ZNF487: variants seen among roughly 807,000 people sequenced by gnomAD.
The protein encoded by ZNF487 is zinc finger protein 487.
In ZNF487, 4 loss-of-function variants were observed where a neutral mutation model predicts 3.0. That is an observed-to-expected ratio of 1.35 (90% confidence interval 0.66 to 3.08). The LOEUF is 3.08. Among genes scored for constraint, ZNF487 ranks in the 30% most tolerant of loss-of-function variants. The pLI, the probability that ZNF487 is intolerant of heterozygous loss-of-function variation, is 0.01. For synonymous variants in ZNF487, 55 were observed against 34.6 expected (o/e 1.59, Z -2.06); for missense variants, 146 against 98.7 (o/e 1.48, Z -2.03).
At chr10:43,478,843 G>A (rs1841198838) in intron 3 of ZNF487, among the ~76,000 whole-genome samples, 2 of 150,770 alleles carry the variant, frequency 1.3e-5, no homozygotes, top group African/African-American at 4.9e-5. Context: ...AAAATAGAAT[G>A]TTACCTCTCA....
At chr10:43,447,761 G>C (rs967421522) in intron 1 of ZNF487, among the ~76,000 whole-genome samples, 2 of 152,196 alleles carry the variant, frequency 1.3e-5, no homozygotes, top group South Asian at 4.2e-4. Flanking sequence ...TTCTTCTCTG[G>C]TGCTGTGTTC....
At chr10:43,469,509 T>G (rs1440028461) in intron 1 of ZNF487, among the ~76,000 whole-genome samples, 1 of 152,028 alleles carries the variant, frequency 6.6e-6, no homozygotes, top group Non-Finnish European at 1.5e-5. Flanking sequence ...TATTTATTTA[T>G]TTTTTTAAAT....
chr10:43,441,390 C>T (rs372012429), intron 1 of ZNF487, among the ~76,000 whole-genome samples: 2 of 151,398 alleles, frequency 1.3e-5, no homozygotes, highest in East Asian at 1.9e-4. Context: ...CTCAGCCTCC[C>T]GACTAGCTGG....
At chr10:43,512,826 A>C in the ZNF487 span, among the ~76,000 whole-genome samples, 1 of 151,738 alleles carries the variant, frequency 6.6e-6, no homozygotes, top group Admixed American at 6.6e-5. Flanking sequence ...CAGATGAGGA[A>C]TGCTTTGCCT....
intron 1 of ZNF487, chr10:43,454,464 G>C (rs566835262): frequency 1.3e-5 from 2 of 152,302 alleles, no homozygotes; most frequent in African/African-American, 4.8e-5. Context: ...TCACTTGTCA[G>C]TCTCCTAAAA....
At chr10:43,484,838 A>T (rs1469725894), downstream of ZNF487, among the ~76,000 whole-genome samples, 2 of 152,336 alleles carry the variant, frequency 1.3e-5, no homozygotes, top group Admixed American at 1.3e-4. Context: ...ATCAATTTTA[A>T]TGAAGACACT....
At chr10:43,472,052 A>G (rs117986354) in intron 1 of ZNF487, among the ~76,000 whole-genome samples, 2,288 of 152,186 alleles carry the variant, frequency 0.015, 32 homozygotes, top group Non-Finnish European at 0.024. Context: ...ACCTGCCCCT[A>G]TTTACCTTGG....
At chr10:43,480,027 C>CTT (rs1410218049) in intron 3 of ZNF487, among the ~76,000 whole-genome samples, 3 of 74,942 alleles carry the variant, frequency 4.0e-5, no homozygotes, top group Admixed American at 1.6e-4. Flanking sequence ...TTCTTTCTTT[C>CTT]TTTCTTTCTT....
chr10:43,457,541 C>T (rs1589032527), intron 1 of ZNF487, among the ~76,000 whole-genome samples: 2 of 106,950 alleles, frequency 1.9e-5, no homozygotes, highest in East Asian at 5.4e-4. Flanking sequence ...GGCGACAAAG[C>T]AAGACTCTGT....
the ZNF487 span, among the ~76,000 whole-genome samples, chr10:43,521,116 G>A: frequency 6.6e-6 from 1 of 152,144 alleles, no homozygotes; most frequent in Non-Finnish European, 1.5e-5. Context: ...TGGTATTCAT[G>A]TTCTGGAAAG....
At chr10:43,462,760 T>C (rs903614918) in intron 1 of ZNF487, among the ~76,000 whole-genome samples, 17 of 150,908 alleles carry the variant, frequency 1.1e-4, no homozygotes, top group African/African-American at 3.4e-4. Context: ...GGCCTTTTTT[T>C]TTTCTTTCTT....
chr10:43,493,709 A>AAAAAAAAAAT, the ZNF487 span, among the ~76,000 whole-genome samples: 3 of 43,720 alleles, frequency 6.9e-5, no homozygotes, highest in African/African-American at 8.7e-5. Flanking sequence ...AAAAAAAAAA[A>AAAAAAAAAAT]ATATATATAT....
intron 3 of ZNF487, among the ~76,000 whole-genome samples, chr10:43,480,353 C>T (rs2132152991): frequency 6.7e-6 from 1 of 150,340 alleles, no homozygotes; most frequent in African/African-American, 2.4e-5. Flanking sequence ...TGATCCACCC[C>T]CATCAGCCTC....
chr10:43,465,019 CGGACG>C (rs1840619033), intron 1 of ZNF487, among the ~76,000 whole-genome samples: 4 of 137,498 alleles, frequency 2.9e-5, no homozygotes, highest in African/African-American at 9.7e-5. Context: ...ACCTCCCTCC[CGGACG>C]GGGCGGCTGG....
intron 1 of ZNF487, among the ~76,000 whole-genome samples, chr10:43,447,563 T>G (rs1242549719): frequency 1.3e-5 from 2 of 152,208 alleles, no homozygotes; most frequent in South Asian, 2.1e-4. Context: ...ATTTCTAATC[T>G]GCCTGGTGTA....
chr10:43,475,996 A>G (rs913569901), intron 2 of ZNF487, 111 bp from the exon 3 acceptor site: 19 of 669,998 alleles, frequency 2.8e-5, no homozygotes, highest in Non-Finnish European at 2.8e-6. Flanking sequence ...TGTAAAGAAT[A>G]TCTGTGGTGT....
At chr10:43,469,384 GC>G (rs991590930) in intron 1 of ZNF487, among the ~76,000 whole-genome samples, 4 of 152,050 alleles carry the variant, frequency 2.6e-5, no homozygotes, top group Non-Finnish European at 4.4e-5. Context: ...ATAGAGACGG[GC>G]TTTCAGCATG....
At chr10:43,516,732 T>C in the ZNF487 span, among the ~76,000 whole-genome samples, 3 of 152,206 alleles carry the variant, frequency 2.0e-5, no homozygotes, top group African/African-American at 4.8e-5. Flanking sequence ...GATTAGATTG[T>C]GCCCCACCCA....
In ZNF487 at chr10:43,467,066, G is replaced by A. The variant is rs150761882; in HGVS notation, c.-93-8655G>A. On this transcript the variant is annotated intron_variant, in intron 1 of 3. Coordinates refer to ENST00000437590, the MANE Select transcript of ZNF487 (RefSeq NM_001355444.3). Reference sequence around the variant, plus strand: ...TGTATTTTTTTTTTAGTAGAGATGGGGTTTCATCATGTTGACCAGGCTGGT... The same window carrying A: ...TGTATTTTTTTTTTAGTAGAGATGGAGTTTCATCATGTTGACCAGGCTGGT... Among the ~76,000 whole-genome samples, 10 of 152,004 alleles carry A rather than the reference G, an allele frequency of 6.6e-5. 2 individuals carry two copies. The highest frequency in any genetic ancestry group is 2.2e-4 in the African/African-American group (9 of 41,452).
Sources: gnomAD v4.1 joint callset for allele counts (sites outside exome capture counted in the v4.1 genomes callset) on GRCh38, gnomAD v4.1.1 for gene constraint, MANE v1.5 for transcripts, NCBI Gene and HGNC (gene_info 2026-07-23, HGNC 2026-07-21) for gene names.